TEX101: variants seen among roughly 807,000 people sequenced by gnomAD.
TEX101 encodes testis-expressed protein 101.
A neutral mutation model predicts 18.1 loss-of-function variants in TEX101; 10 were observed. That is an observed-to-expected ratio of 0.55 (90% CI 0.34 to 0.94). TEX101 has a LOEUF of 0.94. Ranked by LOEUF, TEX101 falls within the 40% of genes least tolerant of loss-of-function variation. The pLI is 0.02. For missense variants in TEX101, 259 were observed against 298.9 expected, an observed-to-expected ratio of 0.87 and a Z score of 0.98; for synonymous variants, 94 against 114.8, an observed-to-expected ratio of 0.82 and a Z score of 1.16.
At chr19:43,407,207 G>C in intron 3 of TEX101, among the ~76,000 whole-genome samples, 1 of 152,174 alleles carries the variant, frequency 6.6e-6, no homozygotes, top group South Asian at 2.1e-4. Context: ...AGCTGGGGCT[G>C]GGGCTGTGGC....
At chr19:43,391,406 C>CTTTTTTTTTTTTTTTTTTT in the TEX101 span, among the ~76,000 whole-genome samples, 21 of 95,902 alleles carry the variant, frequency 2.2e-4, no homozygotes, top group Middle Eastern at 6.9e-3. Context: ...TTCTGTTTTT[C>CTTTTTTTTTTTTTTTTTTT]TTTTTTTTTT....
At chr19:43,390,688 C>T in the TEX101 span, among the ~76,000 whole-genome samples, 2 of 151,722 alleles carry the variant, frequency 1.3e-5, no homozygotes, top group African/African-American at 2.4e-5. Context: ...AGGATTGTCT[C>T]GATCTCCTGA....
chr19:43,407,854 A>G (rs1366342162), intron 3 of TEX101, among the ~76,000 whole-genome samples: 1 of 152,152 alleles, frequency 6.6e-6, no homozygotes, highest in African/African-American at 2.4e-5. Flanking sequence ...CGGCAGTGGG[A>G]AGGGTGGCCG....
the TEX101 span, among the ~76,000 whole-genome samples, chr19:43,391,147 T>C: frequency 1.3e-5 from 2 of 152,244 alleles, no homozygotes; most frequent in Non-Finnish European, 2.9e-5. Context: ...CATTCACGGA[T>C]GGATGGACAC....
rs766848875 is a variant in TEX101 at position 43,416,521 on chromosome 19, C to A, written c.357C>A (p.Ser119Arg). ...ATTCCTTCTGTAATGACAAAGACAG[C>A]CTGTCTCAGTTTTGGGAGTTCAGTG... ...CEDSFCNDKD[S>R]LSQFWEFSET... Residue 119 changes from serine (S) to arginine (R), a missense_variant, in exon 4 of 6, where the codon AGC becomes AGA. Transcript: ENST00000598265. 1 of 1,613,882 alleles carries A rather than the reference C, an allele frequency of 6.2e-7. No homozygotes were observed. Among genetic ancestry groups the A allele is most frequent in the Non-Finnish European group, 8.5e-7 (1 of 1,179,948 alleles).
the TEX101 span, among the ~76,000 whole-genome samples, chr19:43,396,406 C>G: frequency 6.6e-5 from 10 of 152,222 alleles, no homozygotes; most frequent in Non-Finnish European, 1.2e-4. Context: ...TTTTCTGTAG[C>G]CTCATCTTAA....
chr19:43,394,472 CTTT>C, the TEX101 span, among the ~76,000 whole-genome samples: 10 of 140,248 alleles, frequency 7.1e-5, no homozygotes, highest in Admixed American at 1.4e-4. Context: ...GCCTGACTTA[CTTT>C]TTTTTTTTTT....
In TEX101 at chr19:43,418,284, C is replaced by G. The variant is rs1970504407; in HGVS notation, c.637C>G (p.Leu213Val). The G allele has an allele frequency of 6.2e-7, 1 of 1,614,200 alleles. No individual in the cohort carries two copies. The highest frequency in any genetic ancestry group is 8.5e-7 in the Non-Finnish European group (1 of 1,180,036). ...TGTGAGGGAAGCGTGCCCACATCAG[C>G]TGCTCACTCAACCTCGAAAGACTGA... ...MFVREACPHQ[L>V]LTQPRKTENG... Residue 213 changes from leucine (L) to valine (V), a missense_variant, in exon 6 of 6, where the codon CTG becomes GTG. Coordinates refer to ENST00000598265, the MANE Select transcript of TEX101 (RefSeq NM_001130011.3).
At chr19:43,399,199 T>C (rs919515728), upstream of TEX101, among the ~76,000 whole-genome samples, 1 of 152,198 alleles carries the variant, frequency 6.6e-6, no homozygotes, top group Non-Finnish European at 1.5e-5. Flanking sequence ...TAAATTCTGG[T>C]TGCATTTTTT....
chr19:43,404,870 T>C (rs1970347718), intron 2 of TEX101, among the ~76,000 whole-genome samples: 1 of 152,006 alleles, frequency 6.6e-6, no homozygotes, highest in Non-Finnish European at 1.5e-5. Flanking sequence ...CAAAGGTATT[T>C]TCAGCAAAAT....
At position 43,418,459 on chromosome 19, in the gene TEX101, G is replaced by A. The variant is rs1970507661; in HGVS notation, c.*62G>A. On this transcript the variant is annotated 3_prime_UTR_variant, in exon 6 of 6. Coordinates refer to ENST00000598265, the MANE Select transcript of TEX101 (RefSeq NM_001130011.3). ...TTTGACTGGGAGCCTTCTTACTGTT[G>A]AGGTTCAACAAGCTGAGGAGTAGAT... The A allele has an allele frequency of 2.1e-6, 3 of 1,414,184 alleles. No homozygotes were observed. Among genetic ancestry groups the A allele is most frequent in the Non-Finnish European group, 2.9e-6 (3 of 1,020,688 alleles). The allele number at this position is 1,414,184 out of a possible 1,614,324, so 87.6% of individuals were successfully genotyped here.
At chr19:43,391,774 CA>C in the TEX101 span, among the ~76,000 whole-genome samples, 4 of 152,292 alleles carry the variant, frequency 2.6e-5, no homozygotes, top group African/African-American at 9.6e-5. Context: ...TGGCCATCGC[CA>C]ACACTGCCGT....
the TEX101 span, among the ~76,000 whole-genome samples, chr19:43,391,321 C>A: frequency 2.0e-4 from 30 of 151,840 alleles, no homozygotes; most frequent in African/African-American, 7.0e-4. Context: ...GAAACGACCA[C>A]AGTGGTTGTG....
rs1465481621 is a variant in TEX101, at chr19:43,417,985, G to T, written c.499G>T (p.Gly167Ter). ...CAATGGTACAACTCGATGCTATCAA[G>T]GAAAACTTGAGATCACTGGAGGTAA... ...CPNGTTRCYQ[G>*]KLEITGGGIE... The change falls in exon 5 of 6, where the codon GGA (glycine) becomes TGA (stop). Residue 167 changes from glycine (G) to a stop codon, truncating the protein, a stop_gained. Coordinates refer to ENST00000598265, the MANE Select transcript of TEX101 (RefSeq NM_001130011.3). LOFTEE classifies it low-confidence loss of function (END_TRUNC). 1 of 1,614,020 alleles carries T rather than the reference G, an allele frequency of 6.2e-7. No homozygotes were observed. The highest frequency in any genetic ancestry group is 8.5e-7 in the Non-Finnish European group (1 of 1,180,032).
At chr19:43,390,459 T>TC in the TEX101 span, among the ~76,000 whole-genome samples, 1 of 129,714 alleles carries the variant, frequency 7.7e-6, no homozygotes, top group African/African-American at 2.9e-5. Context: ...TCTTTTTTTT[T>TC]CTTTTTTTTT....
At chr19:43,407,839 G>A (rs1459797916) in intron 3 of TEX101, among the ~76,000 whole-genome samples, 3 of 152,242 alleles carry the variant, frequency 2.0e-5, no homozygotes, top group East Asian at 1.9e-4. Flanking sequence ...ATTGTCTTGG[G>A]AAACCGGCAG....
intron 4 of TEX101, among the ~76,000 whole-genome samples, chr19:43,417,327 C>T (rs1568459223): frequency 6.6e-6 from 1 of 151,684 alleles, no homozygotes; most frequent in African/African-American, 2.4e-5. Context: ...ACAAAAAAAA[C>T]AGATCAAAGA....
chr19:43,404,052 T>C (rs1002358279), intron 2 of TEX101, among the ~76,000 whole-genome samples: 13 of 128,422 alleles, frequency 1.0e-4, no homozygotes, highest in African/African-American at 3.7e-4. Flanking sequence ...AAAAAAAAGA[T>C]GGTCAAAAGT....
chr19:43,415,082 G>A (rs1299655766), intron 1 of TEX101, 44 bp downstream of exon 1: 1 of 984,620 alleles, frequency 1.0e-6, no homozygotes, highest in Non-Finnish European at 1.2e-6. Flanking sequence ...TGAGGGGAAC[G>A]AGGGTTGGGG....
Sources: allele counts gnomAD v4.1 joint callset (sites outside exome capture counted in the v4.1 genomes callset), GRCh38; gene constraint gnomAD v4.1.1; transcripts MANE v1.5; gene names NCBI Gene and HGNC (gene_info 2026-07-23, HGNC 2026-07-21).